LSP1: variants seen among roughly 807,000 people sequenced by gnomAD.
LSP1 encodes lymphocyte-specific protein 1.
Under a neutral mutation model 49.3 loss-of-function variants are expected in LSP1, and 32 were observed. The observed-to-expected ratio is 0.65, with a 90% CI of 0.49 to 0.87. LSP1 has a LOEUF of 0.87. Among genes scored for constraint, LSP1 ranks in the 40% least tolerant of loss-of-function variants. The pLI is 0.00. For synonymous variants in LSP1, 179 were observed against 178.8 expected (o/e 1.00, Z -0.01); for missense variants, 428 against 442.6 (o/e 0.97, Z 0.30).
At chr11:1,876,394 G>T in intron 1 of LSP1, 1 of 946,580 alleles carries the variant, frequency 1.1e-6, no homozygotes, top group Non-Finnish European at 1.3e-6. Context: ...GCTCCCTGTG[G>T]TGTCCAAGGG....
chr11:1,865,817 C>T (rs1310794237), intron 1 of LSP1, among the ~76,000 whole-genome samples: 5 of 151,866 alleles, frequency 3.3e-5, no homozygotes, highest in African/African-American at 1.2e-4. Flanking sequence ...GGGCACCCTT[C>T]AGTCACCCTC....
chr11:1,871,192 A>G (rs1416959536), intron 1 of LSP1: 4 of 985,850 alleles, frequency 4.1e-6, no homozygotes, highest in Non-Finnish European at 4.8e-6. Flanking sequence ...TATGCACAGC[A>G]CGCAGAACAG....
chr11:1,862,457 T>C (rs1474078112), intron 1 of LSP1, among the ~76,000 whole-genome samples: 1 of 152,208 alleles, frequency 6.6e-6, no homozygotes, highest in Non-Finnish European at 1.5e-5. Flanking sequence ...TGAACTAAAA[T>C]ATGCCTTGGC....
At chr11:1,859,969 T>G (rs2133058913) in intron 1 of LSP1, among the ~76,000 whole-genome samples, 1 of 152,312 alleles carries the variant, frequency 6.6e-6, no homozygotes, top group East Asian at 1.9e-4. Flanking sequence ...ACTGGGATGC[T>G]GCTCTGTGAA....
At chr11:1,890,254 G>A (rs916930862) in intron 10 of LSP1, 1 of 715,360 alleles carries the variant, frequency 1.4e-6, no homozygotes, top group South Asian at 1.5e-5. Flanking sequence ...GAGCGGGGTA[G>A]GGCAGCCACC....
At chr11:1,859,323 T>A (rs938857220) in intron 1 of LSP1, 1 of 152,280 alleles carries the variant, frequency 6.6e-6, no homozygotes, top group Admixed American at 6.5e-5. Context: ...GCTCATGGGC[T>A]GCAGATGAGG....
At chr11:1,879,431 T>C (rs1172565387) in intron 1 of LSP1, among the ~76,000 whole-genome samples, 1 of 152,166 alleles carries the variant, frequency 6.6e-6, no homozygotes, top group African/African-American at 2.4e-5. Flanking sequence ...GAGCCGACCC[T>C]GTAAGGTGCC....
intron 10 of LSP1, chr11:1,889,605 C>T: frequency 1.6e-6 from 1 of 615,948 alleles, no homozygotes; most frequent in Admixed American, 2.9e-5. Flanking sequence ...GGGGACAGGG[C>T]ATGGGTGAGG....
chr11:1,890,437 T>A, intron 10 of LSP1: 2 of 717,200 alleles, frequency 2.8e-6, no homozygotes, highest in Non-Finnish European at 5.2e-6. Context: ...CCTCCCATCA[T>A]CTTCTTCCGG....
chr11:1,887,304 C>T lies in LSP1; in HGVS notation c.920C>T (p.Ser307Leu), dbSNP rs200019612. The T allele has an allele frequency of 2.5e-6, 4 of 1,603,146 alleles. No homozygotes were observed. Among genetic ancestry groups the T allele is most frequent in the Non-Finnish European group, 3.4e-6 (4 of 1,173,510 alleles). Reference sequence around the variant, plus strand: ...CAGAAGGGAGGCTCCAAGACCTCATCAACAATTAAGGTAGAGCCTAAATGT... The same window carrying T: ...CAGAAGGGAGGCTCCAAGACCTCATTAACAATTAAGGTAGAGCCTAAATGT... ...WEQKGGSKTS[S>L]TIKSTPSGKR... The change falls in exon 9 of 11, where the codon TCA becomes TTA. Residue 307 changes from serine to leucine, a missense_variant. Physicochemically the swap from Ser to Leu is moderately radical, Grantham distance 145. Coordinates refer to ENST00000311604, the MANE Select transcript of LSP1 (RefSeq NM_002339.3).
At chr11:1,868,702 C>G in intron 1 of LSP1, 1 of 985,780 alleles carries the variant, frequency 1.0e-6, no homozygotes, top group Non-Finnish European at 1.2e-6. Flanking sequence ...GGACAGAGCC[C>G]GTCCTGCCCA....
rs778193946 is a variant in LSP1 at position 1,880,091 on chromosome 11, A to C, written c.58A>C (p.Thr20Pro). Residue 20 changes from threonine (T) to proline (P), a missense_variant, in exon 2 of 11, where the codon ACT (threonine) becomes CCT (proline). Thr to Pro is a conservative substitution (Grantham distance 38, BLOSUM62 -1). Coordinates refer to ENST00000311604, the MANE Select transcript of LSP1 (RefSeq NM_002339.3). ...TCCCTCTGTGTCCCCCACTAGGCCCACTGCTCAGTGGAGCGTGGAGGACGA... is the reference window on the plus strand; with the variant it reads ...TCCCTCTGTGTCCCCCACTAGGCCCCCTGCTCAGTGGAGCGTGGAGGACGA... ...AEEREELLGP[T>P]AQWSVEDEEE... The C allele has an allele frequency of 6.2e-6, 10 of 1,608,644 alleles. No homozygotes were observed. In the African/African-American group the frequency reaches 1.2e-4, roughly 19 times the overall value.
At chr11:1,865,152 TCC>T in intron 1 of LSP1, 1 of 978,026 alleles carries the variant, frequency 1.0e-6, no homozygotes, top group African/African-American at 1.8e-5. Flanking sequence ...TGCTGCTCTA[TCC>T]CCGGGGCTGG....
chr11:1,888,185 CA>C lies in LSP1; in HGVS notation c.*13+612del, dbSNP rs528921597. Among the ~76,000 whole-genome samples, 74 of 152,292 alleles carry C rather than the reference CA, an allele frequency of 4.9e-4. 1 individual carries two copies. In the South Asian group the frequency reaches 0.014, roughly 30 times the overall value. On this transcript the variant is annotated intron_variant, in intron 10 of 10. Transcript: ENST00000311604. ...CTGTCCTCCTACCATCTTCCCCTGC[CA>C]AACCCTGACTCTCAAGCAGCTGTGG...
intron 10 of LSP1, chr11:1,890,343 G>C (rs138562835): frequency 1.4e-6 from 1 of 715,410 alleles, no homozygotes; most frequent in East Asian, 2.7e-5. Context: ...AGCAGCGTGC[G>C]GGGCTGTGAC....
At chr11:1,860,501 A>G (rs1847602984) in intron 1 of LSP1, among the ~76,000 whole-genome samples, 1 of 152,222 alleles carries the variant, frequency 6.6e-6, no homozygotes. Flanking sequence ...GAGCAGATGA[A>G]CAAAAAATAG....
chr11:1,876,211 C>T (rs1300395377), intron 1 of LSP1, among the ~76,000 whole-genome samples: 3 of 152,182 alleles, frequency 2.0e-5, no homozygotes, highest in South Asian at 4.1e-4. Flanking sequence ...CACCTTTTCC[C>T]GGCACACGGT....
chr11:1,869,765 C>A (rs757484797), intron 1 of LSP1: 2 of 464,426 alleles, frequency 4.3e-6, no homozygotes, highest in Admixed American at 2.4e-5. Context: ...AGAGGGCGGG[C>A]GAGGAAAATG....
chr11:1,866,413 G>A (rs918711693), intron 1 of LSP1: 8 of 1,418,276 alleles, frequency 5.6e-6, no homozygotes, highest in Middle Eastern at 1.9e-4. Context: ...AGGAGTTGAG[G>A]GCAGCCCGGC....
Sources: allele counts gnomAD v4.1 joint callset (sites outside exome capture counted in the v4.1 genomes callset), GRCh38; gene constraint gnomAD v4.1.1; transcripts MANE v1.5; gene names NCBI Gene and HGNC (gene_info 2026-07-23, HGNC 2026-07-21).